TLE3: variants seen among roughly 807,000 people sequenced by gnomAD.
TLE3 encodes TLE family member 3, transcriptional corepressor, also known as transducin-like enhancer protein 3.
A neutral mutation model predicts 93.0 loss-of-function variants in TLE3; 14 were observed. That is an observed-to-expected ratio of 0.15 (90% CI 0.10 to 0.24). The LOEUF is 0.24. Among genes scored for constraint, TLE3 ranks in the 10% least tolerant of loss-of-function variants. The probability of loss-of-function intolerance (pLI) is 1.00; values close to 1 mark genes in which losing one functional copy is unlikely to be tolerated. For missense variants in TLE3, 693 were observed against 1,046.6 expected, an observed-to-expected ratio of 0.66 and a Z score of 4.66; for synonymous variants, 451 against 425.0, an observed-to-expected ratio of 1.06 and a Z score of -0.75.
In TLE3 at chr15:70,050,508, G is replaced by A. The variant is rs548127682; in HGVS notation, c.2203-304C>T. ...TAAGTCATAATGATCAGAACAGGAC[G>A]CTTTAGCAAGAGCTTCTCCTCCGAG... On this transcript the variant is annotated intron_variant, in intron 19 of 19. Transcript: ENST00000451782. 114 of 202,600 alleles carry A rather than the reference G, an allele frequency of 5.6e-4. No homozygotes were observed. In the South Asian group the frequency reaches 0.013, roughly 24 times the overall value. 12.6% of individuals were successfully genotyped at this position (202,600 alleles called of 1,614,324 possible). A position where few individuals can be genotyped will look rare whatever the true frequency, so the allele number is the denominator to read the frequency against.
intron 4 of TLE3, among the ~76,000 whole-genome samples, chr15:70,084,336 T>C (rs1258140899): frequency 6.6e-6 from 1 of 152,242 alleles, no homozygotes; most frequent in Non-Finnish European, 1.5e-5. Context: ...AACTAGTGGG[T>C]AGAGATTAGA....
At position 70,096,934 on chromosome 15, in the gene TLE3, G is replaced by T; in HGVS notation, c.-136C>A. On this transcript the variant is annotated 5_prime_UTR_variant, in exon 1 of 20. Transcript: ENST00000451782. ...AGCTCGCCCCCGGCCCCCCCAGCTC[G>T]TTCTCGCAGCGAAATCCCAGAGTCG... 1 of 1,005,648 alleles carries T rather than the reference G, an allele frequency of 9.9e-7. No homozygotes were observed. Among genetic ancestry groups the T allele is most frequent in the Non-Finnish European group, 1.5e-6 (1 of 673,810 alleles). 62.3% of individuals were successfully genotyped at this position (1,005,648 alleles called of 1,614,324 possible).
intron 6 of TLE3, among the ~76,000 whole-genome samples, chr15:70,069,844 G>A (rs11635185): frequency 2.5e-3 from 387 of 152,384 alleles, no homozygotes; most frequent in African/African-American, 8.9e-3. Context: ...TCACAGCTCA[G>A]CACCTCTGCA....
chr15:70,051,766 T>C (rs2141376702), intron 18 of TLE3, among the ~76,000 whole-genome samples: 1 of 152,286 alleles, frequency 6.6e-6, no homozygotes, highest in Middle Eastern at 3.4e-3. Flanking sequence ...TTGACTGGCC[T>C]TTCTAAATTC....
At position 70,054,628 on chromosome 15, in the gene TLE3, C is replaced by T; in HGVS notation, c.1636G>A (p.Val546Met). 1 of 1,611,640 alleles carries T rather than the reference C, an allele frequency of 6.2e-7. No homozygotes were observed. Among genetic ancestry groups the T allele is most frequent in the Non-Finnish European group, 8.5e-7 (1 of 1,178,628 alleles). The change falls in exon 16 of 20, where the codon GTG (valine) becomes ATG (methionine). Residue 546 changes from valine to methionine, a missense_variant. Around this residue, in one of 4 missense-constraint regions of TLE3, gnomAD observed 153 missense variants for 379.9 expected, o/e 0.40. Coordinates refer to ENST00000451782, the MANE Select transcript of TLE3 (RefSeq NM_001105192.3). ...KLLPDGRTLI[V>M]GGEASTLTIW... ...GTGAGCGTGCTGGCCTCGCCGCCCA[C>T]GATGAGCGTGCGCCCATCAGGGAGC... is the stretch of plus-strand genomic sequence containing the variant.
In TLE3 at chr15:70,097,424, G is replaced by A. The variant is rs912248022; in HGVS notation, c.-626C>T. 9 of 412,326 alleles carry A rather than the reference G, an allele frequency of 2.2e-5. No individual in the cohort carries two copies. Among genetic ancestry groups the A allele is most frequent in the Admixed American group, 4.4e-5 (1 of 22,806 alleles). The allele number at this position is 412,326 out of a possible 1,614,324, so 25.5% of individuals were successfully genotyped here. ...CTTCGACGCCCCCCCTCGGAGAGGA[G>A]AGCCTGCTGTTCCGTCTGCTACTGC... On this transcript the variant is annotated 5_prime_UTR_variant, in exon 1 of 20. Coordinates refer to ENST00000451782, the MANE Select transcript of TLE3 (RefSeq NM_001105192.3).
rs1234062727 is a variant in TLE3, at chr15:70,096,914, GC to G, written c.-117del. 1.5e-5 allele frequency: 17 copies of G among 1,123,012 alleles called. No individual in the cohort carries two copies. Among genetic ancestry groups the G allele is most frequent in the Admixed American group, 8.8e-5 (4 of 45,414 alleles). 69.6% of individuals were successfully genotyped at this position (1,123,012 alleles called of 1,614,324 possible). ...GGGGCGGCCGGGAAACCGAGAGCTC[GC>G]CCCCGGCCCCCCCAGCTCGTTCTCG... On this transcript the variant is annotated 5_prime_UTR_variant, in exon 1 of 20. Transcript: ENST00000451782.
intron 4 of TLE3, among the ~76,000 whole-genome samples, chr15:70,086,317 T>C (rs1024811155): frequency 6.6e-6 from 1 of 152,202 alleles, no homozygotes; most frequent in African/African-American, 2.4e-5. Context: ...TTCCAAAGCA[T>C]GCCCCTGCCA....
intron 15 of TLE3, 74 bp downstream of exon 15, chr15:70,054,974 GC>G (rs2055892285): frequency 6.6e-7 from 1 of 1,504,986 alleles, no homozygotes; most frequent in African/African-American, 1.4e-5. Flanking sequence ...AGGCCCTGGG[GC>G]TCTCCCCTGT....
chr15:70,094,672 CT>C, intron 3 of TLE3, 96 bp from the exon 4 acceptor site: 1 of 890,464 alleles, frequency 1.1e-6, no homozygotes, highest in Non-Finnish European at 1.7e-6. Context: ...CCAAATCATA[CT>C]TTTACGATAC....
chr15:70,055,768 A>C (rs2055961696), intron 14 of TLE3: 1 of 195,396 alleles, frequency 5.1e-6, no homozygotes, highest in Non-Finnish European at 1.1e-5. Flanking sequence ...GTGCCCTCTC[A>C]ATCAGCATCT....
At chr15:70,051,337 C>A in intron 19 of TLE3, 54 bp downstream of exon 19, 1 of 1,533,318 alleles carries the variant, frequency 6.5e-7, no homozygotes. Flanking sequence ...ATCACCATCA[C>A]CAAGTTTCAA....
At chr15:70,070,906 C>T (rs1178685331) in intron 6 of TLE3, among the ~76,000 whole-genome samples, 3 of 152,116 alleles carry the variant, frequency 2.0e-5, no homozygotes, top group Non-Finnish European at 4.4e-5. Context: ...CAAGCTACAA[C>T]GTCCCTCTTC....
intron 15 of TLE3, 124 bp from the exon 16 acceptor site, chr15:70,054,809 G>A (rs2055871198): frequency 7.5e-7 from 1 of 1,342,156 alleles, no homozygotes. Flanking sequence ...ATACCCAGCA[G>A]CTGCCAGGCT....
In TLE3 at chr15:70,058,869, C is replaced by T. The variant is rs1247515576; in HGVS notation, c.766-54G>A. The T allele has an allele frequency of 6.7e-7, 1 of 1,486,754 alleles. No individual in the cohort carries two copies. Among genetic ancestry groups the T allele is most frequent in the Non-Finnish European group, 8.9e-7 (1 of 1,121,072 alleles). The allele number at this position is 1,486,754 out of a possible 1,614,324, so 92.1% of individuals were successfully genotyped here. A position where few individuals can be genotyped will look rare whatever the true frequency, so the allele number is the denominator to read the frequency against. The stretch of plus-strand genomic sequence containing the variant: ...CTGAAAGCAACAGCCAGCCTCGAGG[C>T]TTCCCTGCTCTGGGAGTGGGAAGAG... On this transcript the variant is annotated intron_variant, in intron 10 of 19. Coordinates refer to ENST00000451782, the MANE Select transcript of TLE3 (RefSeq NM_001105192.3). The surrounding 1 kb of genome is among the most constrained non-coding windows in gnomAD (Gnocchi z 4.1).
In TLE3 at chr15:70,097,180, C is replaced by G. The variant is rs1160085236; in HGVS notation, c.-382G>C. ...GCGCGGGGTCCCGAGGCCGGGGGCCCCTCCTGGGGCGAGCTCGGGCCCCCT... is the reference window on the plus strand; with the variant it reads ...GCGCGGGGTCCCGAGGCCGGGGGCCGCTCCTGGGGCGAGCTCGGGCCCCCT... On this transcript the variant is annotated 5_prime_UTR_variant, in exon 1 of 20. Transcript: ENST00000451782. The G allele has an allele frequency of 2.4e-6, 1 of 412,556 alleles. No individual in the cohort carries two copies. Among genetic ancestry groups the G allele is most frequent in the African/African-American group, 2.1e-5 (1 of 48,300 alleles). The allele number at this position is 412,556 out of a possible 1,614,324, so 25.6% of individuals were successfully genotyped here.
intron 15 of TLE3, 144 bp downstream of exon 15, chr15:70,054,905 G>A: frequency 4.6e-6 from 6 of 1,302,904 alleles, no homozygotes; most frequent in Non-Finnish European, 6.2e-6. Context: ...AGGCACAACT[G>A]AGGCTCAGAG....
At chr15:70,095,327 AG>A (rs1431124206) in intron 3 of TLE3, 1 of 1,406,504 alleles carries the variant, frequency 7.1e-7, no homozygotes, top group African/African-American at 1.5e-5. Flanking sequence ...AGGCACATAA[AG>A]ATAGTACAGA....
chr15:70,055,306 G>C lies in TLE3; in HGVS notation c.1329-8C>G. The C allele has an allele frequency of 6.4e-7, 1 of 1,555,414 alleles. No individual in the cohort carries two copies. Among genetic ancestry groups the C allele is most frequent in the Non-Finnish European group, 8.7e-7 (1 of 1,150,930 alleles). The stretch of plus-strand genomic sequence containing the variant: ...ACATGGAATGAGTACGCTCTGAAAA[G>C]GTGAGAAACCGTCACTGCTGCCATC... On this transcript the variant is annotated splice_polypyrimidine_tract_variant and splice_region_variant and intron_variant, in intron 14 of 19. Coordinates refer to ENST00000451782, the MANE Select transcript of TLE3 (RefSeq NM_001105192.3).
Sources: allele counts gnomAD v4.1 joint callset (sites outside exome capture counted in the v4.1 genomes callset), GRCh38; gene constraint gnomAD v4.1.1; regional missense constraint gnomAD v4.1.1; non-coding constraint Gnocchi (gnomAD v3.1); transcripts MANE v1.5; gene names NCBI Gene and HGNC (gene_info 2026-07-23, HGNC 2026-07-21).